CNTNAP4: variants seen among roughly 807,000 people sequenced by gnomAD.
CNTNAP4 encodes contactin-associated protein-like 4.
A neutral mutation model predicts 148.4 loss-of-function variants in CNTNAP4; 98 were observed. The ratio of observed to expected loss-of-function variants is 0.66; its 90% confidence interval spans 0.56 to 0.78. The LOEUF (loss-of-function observed/expected upper bound fraction) is 0.78. CNTNAP4 is among the 30% of genes least tolerant of loss of function. The pLI is 0.00. For synonymous variants in CNTNAP4, 730 were observed against 565.1 expected (o/e 1.29, Z -4.14); for missense variants, 1,935 against 1,565.6 (o/e 1.24, Z -3.98).
At chr16:76,303,371 T>C (rs1960176011) in intron 1 of CNTNAP4, among the ~76,000 whole-genome samples, 2 of 152,184 alleles carry the variant, frequency 1.3e-5, no homozygotes, top group African/African-American at 4.8e-5. Context: ...AATAATTTAG[T>C]AATAAAATGG....
intron 11 of CNTNAP4, among the ~76,000 whole-genome samples, chr16:76,479,015 C>A (rs1433363567): frequency 6.6e-6 from 1 of 152,084 alleles, no homozygotes; most frequent in Non-Finnish European, 1.5e-5. Flanking sequence ...TGTTGTGCTT[C>A]AGACCTTAGG....
chr16:76,536,590 G>T (rs28405877), intron 18 of CNTNAP4, among the ~76,000 whole-genome samples: 10,598 of 151,938 alleles, frequency 0.07, 531 homozygotes, highest in African/African-American at 0.14. Flanking sequence ...AGTTTTTCCA[G>T]AAATATAAAC....
At chr16:76,279,016 C>A (rs2143716436) in intron 1 of CNTNAP4, among the ~76,000 whole-genome samples, 1 of 152,298 alleles carries the variant, frequency 6.6e-6, no homozygotes, top group South Asian at 2.1e-4. Flanking sequence ...TTGTGATAAT[C>A]TCATAAGTCA....
At chr16:76,473,889 A>G (rs2081469015) in intron 10 of CNTNAP4, among the ~76,000 whole-genome samples, 1 of 150,204 alleles carries the variant, frequency 6.7e-6, no homozygotes. Context: ...ATCTGGGATG[A>G]ATGAGGGCAC....
At position 76,461,975 on chromosome 16, in the gene CNTNAP4, G is replaced by A. The variant is rs1266770859; in HGVS notation, c.1353G>A (p.Gly451=). Residue 451 remains glycine, a synonymous_variant, in exon 9 of 24, where the codon GGG becomes GGA. Coordinates refer to ENST00000611870, the MANE Select transcript of CNTNAP4 (RefSeq NM_033401.5). ...DITAGVELND[G]QWHSVSLSAK... ...CCCTAGGTGTCGAATTAAATGATGG[G>A]CAGTGGCATTCTGTCTCTTTATCTG... 13 of 1,613,616 alleles carry A rather than the reference G, an allele frequency of 8.1e-6. No homozygotes were observed. The highest frequency in any genetic ancestry group is 1.0e-5 in the Non-Finnish European group (12 of 1,179,742).
At chr16:76,483,704 A>G (rs926226850) in intron 12 of CNTNAP4, among the ~76,000 whole-genome samples, 1 of 152,192 alleles carries the variant, frequency 6.6e-6, no homozygotes, top group Non-Finnish European at 1.5e-5. Flanking sequence ...ATAGACTACA[A>G]ATGAGACATT....
chr16:76,469,856 A>G (rs983639740), intron 10 of CNTNAP4, among the ~76,000 whole-genome samples: 1 of 152,204 alleles, frequency 6.6e-6, no homozygotes, highest in African/African-American at 2.4e-5. Flanking sequence ...TAACATTTGC[A>G]TACTTTTTAA....
chr16:76,416,124 A>T (rs2078973428), intron 3 of CNTNAP4, among the ~76,000 whole-genome samples: 2 of 151,150 alleles, frequency 1.3e-5, no homozygotes, highest in African/African-American at 4.8e-5. Context: ...CATTTGTGAT[A>T]TTGATAATTT....
intron 2 of CNTNAP4, among the ~76,000 whole-genome samples, chr16:76,324,778 T>C (rs1396712127): frequency 2.0e-5 from 3 of 152,166 alleles, no homozygotes; most frequent in Non-Finnish European, 2.9e-5. Context: ...TCCTGGTACT[T>C]ACTCATGAAA....
intron 2 of CNTNAP4, among the ~76,000 whole-genome samples, chr16:76,352,965 G>A (rs2012028700): frequency 6.6e-6 from 1 of 152,168 alleles, no homozygotes; most frequent in Non-Finnish European, 1.5e-5. Flanking sequence ...AAGGGACCAT[G>A]TCTATGCAAC....
rs1181033363 is a variant in CNTNAP4, at chr16:76,522,605, CTTT to C, written c.2755+349_2755+351del. 2.1e-5 allele frequency among the ~76,000 whole-genome samples: 3 copies of C among 141,610 alleles called. No homozygotes were observed. The Admixed American group carries it at 2.2e-4, about 10-fold the overall frequency. The allele number at this position is 141,610 out of a possible 152,430, so 92.9% of individuals were successfully genotyped here. ...TTCTTTCTCTCTCTCTCTTTCTTTT[CTTT>C]ATTTCCTTCCTTCCTTCCTTCCTTC... On this transcript the variant is annotated intron_variant, in intron 17 of 23. Coordinates refer to ENST00000611870, the MANE Select transcript of CNTNAP4 (RefSeq NM_033401.5).
chr16:76,443,251 A>C (rs929588620), intron 4 of CNTNAP4, among the ~76,000 whole-genome samples: 1 of 152,190 alleles, frequency 6.6e-6, no homozygotes, highest in Non-Finnish European at 1.5e-5. Flanking sequence ...GTCTCCTCTT[A>C]CATCTTTAGA....
chr16:76,516,914 A>G lies in CNTNAP4; in HGVS notation c.2366-4226A>G, dbSNP rs138974347. ...CCCTGTCTCTACTAAAAACACAAAA[A>G]TTAGCCAGGCATAGTGGTGTGCACC... On this transcript the variant is annotated intron_variant, in intron 15 of 23. Coordinates refer to ENST00000611870, the MANE Select transcript of CNTNAP4 (RefSeq NM_033401.5). Among the ~76,000 whole-genome samples, 10 of 152,242 alleles carry G rather than the reference A, an allele frequency of 6.6e-5. No homozygotes were observed. In the East Asian group the frequency reaches 1.5e-3, roughly 24 times the overall value.
At position 76,427,721 on chromosome 16, in the gene CNTNAP4, T is replaced by C. The variant is rs2079461414; in HGVS notation, c.538+122T>C. The C allele has an allele frequency of 6.5e-6, 6 of 917,960 alleles. No homozygotes were observed. The South Asian group carries it at 1.1e-4, about 16-fold the overall frequency. 56.9% of individuals were successfully genotyped at this position (917,960 alleles called of 1,614,324 possible). On this transcript the variant is annotated intron_variant, in intron 4 of 23. Transcript: ENST00000611870. ...GAGGTATAAAAAATAGGAATAATTT[T>C]TGTGGAAAGCTTTTTTGTGCATGCC...
At chr16:76,327,384 T>C (rs1354213347) in intron 2 of CNTNAP4, among the ~76,000 whole-genome samples, 1 of 152,234 alleles carries the variant, frequency 6.6e-6, no homozygotes, top group Admixed American at 6.5e-5. Flanking sequence ...GAAATGGTTT[T>C]GTTGTTTTTT....
chr16:76,384,676 AGTG>A (rs2016336415), intron 3 of CNTNAP4, among the ~76,000 whole-genome samples: 1 of 152,156 alleles, frequency 6.6e-6, no homozygotes. Context: ...GGCGATTGGA[AGTG>A]GCCTTGTTAT....
chr16:76,510,716 A>T (rs553044974), intron 15 of CNTNAP4, among the ~76,000 whole-genome samples: 4 of 152,244 alleles, frequency 2.6e-5, no homozygotes, highest in African/African-American at 9.6e-5. Context: ...TTGTTTTTGA[A>T]AAATTTTCTC....
chr16:76,498,721 G>T, intron 15 of CNTNAP4, 27 bp downstream of exon 15: 1 of 1,555,776 alleles, frequency 6.4e-7, no homozygotes, highest in Non-Finnish European at 8.7e-7. Context: ...TGTTGAAACC[G>T]TATTTGAGAA....
intron 7 of CNTNAP4, among the ~76,000 whole-genome samples, chr16:76,450,320 T>A (rs1247398940): frequency 2.0e-5 from 3 of 152,070 alleles, no homozygotes; most frequent in Admixed American, 2.0e-4. Flanking sequence ...GGCTAATTTT[T>A]TGTATATTTT....
Sources: gnomAD v4.1 joint callset for allele counts (sites outside exome capture counted in the v4.1 genomes callset) on GRCh38, gnomAD v4.1.1 for gene constraint, MANE v1.5 for transcripts, NCBI Gene and HGNC (gene_info 2026-07-23, HGNC 2026-07-21) for gene names.